NDC1: variants seen among roughly 807,000 people sequenced by gnomAD.
NDC1 encodes NDC1 transmembrane nucleoporin, also known as nucleoporin NDC1.
NDC1 carries 24 observed loss-of-function variants against 89.8 expected under a neutral mutation model. The observed-to-expected ratio is 0.27, with a 90% CI of 0.19 to 0.38. The LOEUF is 0.38. Among genes scored for constraint, NDC1 ranks in the 10% least tolerant of loss-of-function variants. The pLI is 1.00. For synonymous variants in NDC1, 296 were observed against 284.8 expected, an observed-to-expected ratio of 1.04 and a Z score of -0.39; for missense variants, 728 against 797.6, an observed-to-expected ratio of 0.91 and a Z score of 1.05.
chr1:53,826,767 T>G (rs1648878239), intron 4 of NDC1, among the ~76,000 whole-genome samples: 1 of 152,146 alleles, frequency 6.6e-6, no homozygotes, highest in African/African-American at 2.4e-5. Context: ...GCACACAGGT[T>G]GTAGGCCTGC....
At position 53,793,286 on chromosome 1, in the gene NDC1, T is replaced by C; in HGVS notation, c.1585-7A>G. The C allele has an allele frequency of 6.2e-7, 1 of 1,602,762 alleles. No individual in the cohort carries two copies. The highest frequency in any genetic ancestry group is 8.5e-7 in the Non-Finnish European group (1 of 1,169,790). ...TTGACAAGAAATTCTTAATCTGAGT[T>C]GGAAAAAAGGAAGAATTAACACATT... On this transcript the variant is annotated splice_region_variant and splice_polypyrimidine_tract_variant and intron_variant, in intron 13 of 17. Coordinates refer to ENST00000371429, the MANE Select transcript of NDC1 (RefSeq NM_018087.5).
At chr1:53,832,954 G>T (rs970886449) in intron 2 of NDC1, among the ~76,000 whole-genome samples, 3 of 152,158 alleles carry the variant, frequency 2.0e-5, no homozygotes, top group Non-Finnish European at 2.9e-5. Flanking sequence ...TGAGGCTGCA[G>T]TGAGCAGTGA....
At chr1:53,802,556 A>AT (rs777179721) in intron 10 of NDC1, among the ~76,000 whole-genome samples, 35 of 152,208 alleles carry the variant, frequency 2.3e-4, no homozygotes, top group Non-Finnish European at 3.8e-4. Flanking sequence ...GTATGCCCCT[A>AT]TAATACCAGC....
At chr1:53,835,719 G>C (rs1216299686) in intron 1 of NDC1, 99 bp from the exon 2 acceptor site, 1 of 1,002,622 alleles carries the variant, frequency 1.0e-6, no homozygotes, top group Non-Finnish European at 1.5e-6. Flanking sequence ...CACTAACTCA[G>C]ATCATAATCC....
intron 16 of NDC1, among the ~76,000 whole-genome samples, chr1:53,776,367 G>GCA (rs780947295): frequency 6.6e-6 from 1 of 152,120 alleles, no homozygotes; most frequent in Non-Finnish European, 1.5e-5. Context: ...CTGAAATGTG[G>GCA]CAGGTCTGAA....
chr1:53,818,672 T>G (rs113214235), intron 6 of NDC1, among the ~76,000 whole-genome samples: 447 of 152,350 alleles, frequency 2.9e-3, no homozygotes, highest in Non-Finnish European at 4.6e-3. Context: ...GTATTTGTCT[T>G]TTTGTGACTG....
chr1:53,797,425 A>G (rs1371110068), intron 11 of NDC1, among the ~76,000 whole-genome samples: 1 of 152,168 alleles, frequency 6.6e-6, no homozygotes, highest in African/African-American at 2.4e-5. Flanking sequence ...TCTAACTCTA[A>G]GCAATTTTGA....
chr1:53,823,837 G>A (rs1262485980), intron 5 of NDC1, among the ~76,000 whole-genome samples: 1 of 151,962 alleles, frequency 6.6e-6, no homozygotes, highest in African/African-American at 2.4e-5. Flanking sequence ...GGGAGGTGAG[G>A]GCCAGATCCT....
In NDC1 at chr1:53,807,674, G is replaced by C. The variant is rs759701745; in HGVS notation, c.873C>G (p.Phe291Leu). 1.2e-6 allele frequency: 2 copies of C among 1,608,568 alleles called. No individual in the cohort carries two copies. Among genetic ancestry groups the C allele is most frequent in the Non-Finnish European group, 1.7e-6 (2 of 1,178,494 alleles). ...LTTWYVSWIL[F>L]KIYATEAHVF... Reference sequence around the variant, plus strand: ...AACATACCTCTGTGGCATAGATTTTGAAGAGTATCCATGAGACATACCAAG... The same window carrying C: ...AACATACCTCTGTGGCATAGATTTTCAAGAGTATCCATGAGACATACCAAG... Residue 291 changes from phenylalanine to leucine, a missense_variant, in exon 8 of 18, where the codon TTC becomes TTG. By Grantham distance (22) the Phe-to-Leu change is conservative. Transcript: ENST00000371429.
chr1:53,830,282 CGT>C (rs1446775672), intron 3 of NDC1, among the ~76,000 whole-genome samples: 1 of 151,972 alleles, frequency 6.6e-6, no homozygotes, highest in Admixed American at 6.6e-5. Context: ...GGTGAAACCC[CGT>C]CTCTACTAAA....
intron 6 of NDC1, among the ~76,000 whole-genome samples, chr1:53,813,553 A>G (rs945877937): frequency 7.2e-5 from 11 of 152,218 alleles, no homozygotes; most frequent in Non-Finnish European, 1.2e-4. Context: ...ATATAATGTT[A>G]AAAGGTCTCG....
intron 6 of NDC1, among the ~76,000 whole-genome samples, chr1:53,813,864 C>T (rs1169031303): frequency 6.6e-6 from 1 of 152,112 alleles, no homozygotes; most frequent in Non-Finnish European, 1.5e-5. Context: ...CCAAGATAGA[C>T]CATATGATAG....
rs768316092 is a variant in NDC1, at chr1:53,828,182, G to C, written c.281-9C>G. 1.3e-5 allele frequency: 21 copies of C among 1,612,896 alleles called. No individual in the cohort carries two copies. Among genetic ancestry groups the C allele is most frequent in the Non-Finnish European group, 1.7e-5 (20 of 1,179,314 alleles). ...AGGAATAGAAGGCACAACTGCAAAG[G>C]AAACACATTACTGTGGCTTTATAAC... On this transcript the variant is annotated splice_polypyrimidine_tract_variant and intron_variant, in intron 3 of 17. Coordinates refer to ENST00000371429, the MANE Select transcript of NDC1 (RefSeq NM_018087.5).
At chr1:53,775,495 G>A (rs1310263162) in intron 16 of NDC1, among the ~76,000 whole-genome samples, 1 of 152,058 alleles carries the variant, frequency 6.6e-6, no homozygotes, top group Non-Finnish European at 1.5e-5. Context: ...CTGACCTCAA[G>A]TGATCCGCCC....
chr1:53,806,009 G>A (rs949016603), intron 9 of NDC1, among the ~76,000 whole-genome samples: 1 of 152,164 alleles, frequency 6.6e-6, no homozygotes, highest in Non-Finnish European at 1.5e-5. Flanking sequence ...GGGAGGCGGA[G>A]CTTGCAGTGA....
intron 15 of NDC1, among the ~76,000 whole-genome samples, chr1:53,787,844 G>C (rs566605299): frequency 3.7e-5 from 5 of 136,168 alleles, no homozygotes; most frequent in Admixed American, 3.0e-4. Flanking sequence ...ATAGTGTTGC[G>C]TAATAATATG....
chr1:53,838,288 GTA>G lies in NDC1; in HGVS notation c.-29_-28del, dbSNP rs1649310458. ...GAGATGGCGGCCCCTAGTCTAGGGC[GTA>G]CAGGAGACCGTGCGCCCGCCCGCCA... On this transcript the variant is annotated 5_prime_UTR_variant, in exon 1 of 18. Transcript: ENST00000371429. 6.6e-7 allele frequency: 1 copy of G among 1,519,672 alleles called. No individual in the cohort carries two copies. The highest frequency in any genetic ancestry group is 1.4e-5 in the African/African-American group (1 of 71,670). 94.1% of individuals were successfully genotyped at this position (1,519,672 alleles called of 1,614,324 possible). A position where few individuals can be genotyped will look rare whatever the true frequency, so the allele number is the denominator to read the frequency against.
chr1:53,792,400 G>C (rs762530670), intron 14 of NDC1, among the ~76,000 whole-genome samples: 1 of 152,118 alleles, frequency 6.6e-6, no homozygotes, highest in Non-Finnish European at 1.5e-5. Context: ...TTCCACCATA[G>C]TGGAAAAGCA....
chr1:53,802,168 T>C (rs1247278148), intron 10 of NDC1, among the ~76,000 whole-genome samples: 12 of 152,184 alleles, frequency 7.9e-5, no homozygotes, highest in Non-Finnish European at 1.5e-5. Context: ...TCAAATCTGA[T>C]AGAAAAGCAT....
Sources: gnomAD v4.1 joint callset for allele counts (sites outside exome capture counted in the v4.1 genomes callset) on GRCh38, gnomAD v4.1.1 for gene constraint, MANE v1.5 for transcripts, NCBI Gene and HGNC (gene_info 2026-07-23, HGNC 2026-07-21) for gene names.